The following SCAP variants were observed in gnomAD, a reference collection of about 807,000 sequenced individuals.
SCAP encodes sterol regulatory element-binding protein cleavage-activating protein.
Under a neutral mutation model 123.6 loss-of-function variants are expected in SCAP, and 65 were observed. The observed-to-expected ratio is 0.53, with a 90% CI of 0.43 to 0.65. The LOEUF (loss-of-function observed/expected upper bound fraction) is 0.65, where lower values mean the gene tolerates loss of function less well. Among genes scored for constraint, SCAP ranks in the 30% least tolerant of loss-of-function variants. The probability of loss-of-function intolerance (pLI) is 0.00; values close to 1 mark genes in which losing one functional copy is unlikely to be tolerated. For synonymous variants in SCAP, 740 were observed against 726.3 expected (o/e 1.02, Z -0.30); for missense variants, 1,398 against 1,712.5 (o/e 0.82, Z 3.24).
rs755393003 is a variant in SCAP, at chr3:47,417,699, G to A, written c.2575C>T (p.Arg859Trp). 3.0e-5 allele frequency: 49 copies of A among 1,608,168 alleles called. No homozygotes were observed. Among genetic ancestry groups the A allele is most frequent in the African/African-American group, 1.6e-4 (12 of 73,836 alleles). ...GDSPPLRHRPRGPPPPSLFGD... is the reference protein window; with the variant it reads ...GDSPPLRHRPWGPPPPSLFGD... ...AAGAGGGAAGGCGGCGGAGGGCCCC[G>A]GGGGCGGTGTCTCAGGGGAGGGCTG... Residue 859 changes from arginine (R) to tryptophan (W), a missense_variant, in exon 17 of 23, where the codon CGG (arginine) becomes TGG (tryptophan). Transcript: ENST00000265565.
At chr3:47,431,046 G>A (rs1196998835) in intron 3 of SCAP, among the ~76,000 whole-genome samples, 3 of 152,074 alleles carry the variant, frequency 2.0e-5, no homozygotes, top group South Asian at 2.1e-4. Context: ...GCCTTAGTGA[G>A]GGCTCTGGGG....
chr3:47,417,059 AAG>A lies in SCAP; in HGVS notation c.3056+61_3056+62del. On this transcript the variant is annotated intron_variant, in intron 18 of 22. Coordinates refer to ENST00000265565, the MANE Select transcript of SCAP (RefSeq NM_012235.4). ...TGAAGAGAACCAGAACTCAAGACTC[AAG>A]AGAGTATGGCCTAGCCAACAAAGGC... The A allele has an allele frequency of 6.2e-6, 9 of 1,455,948 alleles. No homozygotes were observed. In the South Asian group the frequency reaches 1.1e-4, roughly 17 times the overall value. The allele number at this position is 1,455,948 out of a possible 1,614,324, so 90.2% of individuals were successfully genotyped here.
At chr3:47,418,626 T>TGGCCCC in intron 14 of SCAP, 29 bp downstream of exon 14, 1 of 1,459,572 alleles carries the variant, frequency 6.9e-7, no homozygotes, top group Non-Finnish European at 9.5e-7. Flanking sequence ...CCGCACTCTT[T>TGGCCCC]CCCACCCCAC....
In SCAP at chr3:47,414,992, C is replaced by A. The variant is rs766516833; in HGVS notation, c.3141G>T (p.Gly1047=). The change falls in exon 20 of 23, where the codon GGG becomes GGT. Residue 1047 remains glycine (G), a splice_region_variant and synonymous_variant. Coordinates refer to ENST00000265565, the MANE Select transcript of SCAP (RefSeq NM_012235.4). The part of the protein sequence containing the change: ...HTALSPLQFR[G]TPGRGSSPAS... ...CAGGGGAACTGCCCCGCCCTGGGGT[C>A]CCTGAGGACAAAAGGCCAAGTGAAG... 6.3e-7 allele frequency: 1 copy of A among 1,586,406 alleles called. No homozygotes were observed.
At position 47,427,206 on chromosome 3, in the gene SCAP, T is replaced by C; in HGVS notation, c.688A>G (p.Arg230Gly). ...YSGVSLYTRK[R>G]MVSYTITLVF... ...AGGGTGATGGTGTAGGAGACCATCC[T>C]CTTCCTGGTGTAGAGGCTCACCCCG... The change falls in exon 6 of 23, where the codon AGG becomes GGG. Residue 230 changes from arginine to glycine, a missense_variant. By Grantham distance (125) the Arg-to-Gly change is moderately radical. Transcript: ENST00000265565. The C allele has an allele frequency of 1.2e-6, 2 of 1,613,974 alleles. No homozygotes were observed. Among genetic ancestry groups the C allele is most frequent in the Non-Finnish European group, 1.7e-6 (2 of 1,179,946 alleles).
rs1270955742 is a variant in SCAP at position 47,420,426 on chromosome 3, C to A, written c.1563+128G>T. On this transcript the variant is annotated intron_variant, in intron 12 of 22. Coordinates refer to ENST00000265565, the MANE Select transcript of SCAP (RefSeq NM_012235.4). The surrounding 1 kb of genome is among the most constrained non-coding windows in gnomAD (Gnocchi z 5.0). ...GACACAACGGGCAACTCCCCAGAGC[C>A]AGGCTTCCAGGGGCCACCAGGGCCT... 2 of 841,812 alleles carry A rather than the reference C, an allele frequency of 2.4e-6. No homozygotes were observed. Among genetic ancestry groups the A allele is most frequent in the African/African-American group, 3.4e-5 (2 of 58,244 alleles). The allele number at this position is 841,812 out of a possible 1,614,324, so 52.1% of individuals were successfully genotyped here.
Position 47,442,957 on chromosome 3 carries a change from G to T in SCAP, c.37C>A (p.Arg13=). The T allele has an allele frequency of 1.2e-6, 2 of 1,614,106 alleles. No individual in the cohort carries two copies. Among genetic ancestry groups the T allele is most frequent in the South Asian group, 2.2e-5 (2 of 91,078 alleles). The change falls in exon 2 of 23, where the codon CGG becomes AGG. Residue 13 remains arginine (R), a synonymous_variant. Coordinates refer to ENST00000265565, the MANE Select transcript of SCAP (RefSeq NM_012235.4). ...AGGAGCCCATGGTTGTAGAAGGCCC[G>T]AGATATCTTCTCACGCAGCCTTTCA... is the stretch of plus-strand genomic sequence containing the variant. ...LTERLREKIS[R]AFYNHGLLCA... is the part of the protein sequence containing the mutation.
chr3:47,417,565 G>C lies in SCAP; in HGVS notation c.2709C>G (p.Arg903=). The change falls in exon 17 of 23, where the codon CGC becomes CGG. Residue 903 remains arginine, a synonymous_variant. Transcript: ENST00000265565. ...PEPRHRAVCG[R]SRDSPGYDFS... ...AGTCATAGCCTGGGGAGTCCCGAGA[G>C]CGGCCACAGACCGCCCGGTGCCGGG... The C allele has an allele frequency of 6.3e-7, 1 of 1,586,226 alleles. No homozygotes were observed. Among genetic ancestry groups the C allele is most frequent in the Non-Finnish European group, 8.6e-7 (1 of 1,167,638 alleles).
chr3:47,421,165 C>T, intron 10 of SCAP, 136 bp from the exon 11 acceptor site: 1 of 705,214 alleles, frequency 1.4e-6, no homozygotes, highest in Non-Finnish European at 2.6e-6. Context: ...ATGAGAGATG[C>T]TGGTTGGTCC....
chr3:47,429,247 T>G (rs1306162253), intron 3 of SCAP, among the ~76,000 whole-genome samples: 1 of 152,278 alleles, frequency 6.6e-6, no homozygotes, highest in Non-Finnish European at 1.5e-5. Flanking sequence ...CAGTATTGGC[T>G]TCTAGCACAT....
Position 47,414,267 on chromosome 3 carries a change from G to A in SCAP, c.3507C>T (p.Thr1169=). ...HRGDVTSLTC[T]TSCVISSGLD... is the part of the protein sequence containing the mutation. ...GGCCACTGCTGATGACACAGGAGGT[G>A]GTACAGGTAAGGGAGGTGACATCCC... Residue 1169 remains threonine (T), a synonymous_variant, in exon 22 of 23, where the codon ACC becomes ACT. Transcript: ENST00000265565. 1.2e-6 allele frequency: 2 copies of A among 1,613,560 alleles called. No individual in the cohort carries two copies. The highest frequency in any genetic ancestry group is 1.7e-5 in the Admixed American group (1 of 60,022).
At chr3:47,470,945 A>G (rs1708004240) in intron 1 of SCAP, among the ~76,000 whole-genome samples, 1 of 152,180 alleles carries the variant, frequency 6.6e-6, no homozygotes, top group Admixed American at 6.5e-5. Flanking sequence ...ACACCTATCA[A>G]TTAATAAACT....
At chr3:47,445,243 C>CTTTTTTTTTTTTTTTTTT (rs970206797) in intron 1 of SCAP, among the ~76,000 whole-genome samples, 1 of 111,872 alleles carries the variant, frequency 8.9e-6, no homozygotes, top group Non-Finnish European at 1.9e-5. Flanking sequence ...GTTTTCAATT[C>CTTTTTTTTTTTTTTTTTT]TTTTTTTTTT....
chr3:47,417,553 G>A lies in SCAP; in HGVS notation c.2721C>T (p.Ser907=). ...CCAGGCAGCTGAAGTCATAGCCTGG[G>A]GAGTCCCGAGAGCGGCCACAGACCG... ...HRAVCGRSRD[S]PGYDFSCLVQ... The change falls in exon 17 of 23, where the codon TCC becomes TCT. Residue 907 remains serine, a synonymous_variant. Coordinates refer to ENST00000265565, the MANE Select transcript of SCAP (RefSeq NM_012235.4). 1 of 1,578,042 alleles carries A rather than the reference G, an allele frequency of 6.3e-7. No homozygotes were observed. Among genetic ancestry groups the A allele is most frequent in the Non-Finnish European group, 8.6e-7 (1 of 1,162,806 alleles).
At chr3:47,440,685 A>G (rs1467510855) in intron 2 of SCAP, among the ~76,000 whole-genome samples, 1 of 152,136 alleles carries the variant, frequency 6.6e-6, no homozygotes, top group East Asian at 1.9e-4. Flanking sequence ...CCTGGGCAAC[A>G]TGGCGAAACC....
chr3:47,424,939 A>T (rs889213461), intron 8 of SCAP, among the ~76,000 whole-genome samples: 5 of 152,186 alleles, frequency 3.3e-5, no homozygotes, highest in Non-Finnish European at 7.4e-5. Context: ...TTCAGAGAGG[A>T]GTGGCAAGGG....
chr3:47,427,711 C>G, intron 4 of SCAP, 44 bp from the exon 5 acceptor site: 1 of 1,512,390 alleles, frequency 6.6e-7, no homozygotes, highest in Non-Finnish European at 9.1e-7. Context: ...TCTGCCACCA[C>G]AGGGCAGACC....
Position 47,414,215 on chromosome 3 carries a change from G to A in SCAP, c.3559C>T (p.Arg1187Cys), listed in dbSNP as rs1302387216. The A allele has an allele frequency of 6.2e-6, 10 of 1,613,600 alleles. No homozygotes were observed. The highest frequency in any genetic ancestry group is 2.2e-5 in the East Asian group (1 of 44,894). The change falls in exon 22 of 23, where the codon CGC (arginine) becomes TGC (cysteine). Residue 1187 changes from arginine to cysteine, a missense_variant. Around this residue, in one of 7 missense-constraint regions of SCAP, gnomAD observed 130 missense variants for 166.7 expected, o/e 0.78. Transcript: ENST00000265565. The stretch of plus-strand genomic sequence containing the variant: ...GAGTAGAACTTGATGCCTGTGCTGC[G>A]GTCCCAGATGCTGATGAGGTCATCC... ...GLDDLISIWDRSTGIKFYSIQ... is the reference protein window; with the variant it reads ...GLDDLISIWDCSTGIKFYSIQ...
intron 1 of SCAP, among the ~76,000 whole-genome samples, chr3:47,462,373 T>C (rs930943873): frequency 9.2e-5 from 14 of 152,280 alleles, no homozygotes; most frequent in African/African-American, 2.9e-4. Flanking sequence ...ATCGGCTATC[T>C]GTGTAGTAAA....
Sources: gnomAD v4.1 joint callset for allele counts (sites outside exome capture counted in the v4.1 genomes callset) on GRCh38, gnomAD v4.1.1 for gene constraint, gnomAD v4.1.1 regional missense constraint, Gnocchi (gnomAD v3.1) non-coding constraint, MANE v1.5 for transcripts, NCBI Gene and HGNC (gene_info 2026-07-23, HGNC 2026-07-21) for gene names.